WDR72: variants seen among roughly 807,000 people sequenced by gnomAD.
WDR72 encodes the protein WD repeat-containing protein 72.
In WDR72, 120 loss-of-function variants were observed where a neutral mutation model predicts 124.2. The observed-to-expected ratio is 0.97, with a 90% CI of 0.83 to 1.12. The LOEUF is 1.12. Ranked by LOEUF, WDR72 falls within the 50% of genes most tolerant of loss-of-function variation. The probability of loss-of-function intolerance (pLI) is 0.00; values close to 1 mark genes in which losing one functional copy is unlikely to be tolerated. For synonymous variants in WDR72, 452 were observed against 441.7 expected (o/e 1.02, Z -0.29); for missense variants, 1,387 against 1,278.8 (o/e 1.08, Z -1.29).
chr15:53,604,013 G>GA (rs2013163060), intron 17 of WDR72, among the ~76,000 whole-genome samples: 1 of 151,924 alleles, frequency 6.6e-6, no homozygotes, highest in African/African-American at 2.4e-5. Flanking sequence ...AAAAGAGCCT[G>GA]AATGGCCAGG....
At chr15:53,624,445 T>A (rs1267121027) in intron 14 of WDR72, among the ~76,000 whole-genome samples, 1 of 152,152 alleles carries the variant, frequency 6.6e-6, no homozygotes, top group Admixed American at 6.5e-5. Flanking sequence ...AATCTCTGTC[T>A]CAGCACCTAG....
At chr15:53,548,178 T>G (rs569245432) in intron 18 of WDR72, among the ~76,000 whole-genome samples, 2 of 152,374 alleles carry the variant, frequency 1.3e-5, no homozygotes, top group Admixed American at 1.3e-4. Context: ...TCTGATCATC[T>G]TCTACCTAAA....
intron 18 of WDR72, among the ~76,000 whole-genome samples, chr15:53,547,541 A>G (rs1170196942): frequency 6.6e-6 from 1 of 152,146 alleles, no homozygotes; most frequent in Non-Finnish European, 1.5e-5. Flanking sequence ...TGTATTCATC[A>G]GGTCTCAGTG....
At chr15:53,718,783 C>CTTAAGATTTTTAAAAATTTTAAAAACA (rs2017786434) in intron 3 of WDR72, among the ~76,000 whole-genome samples, 1 of 72,070 alleles carries the variant, frequency 1.4e-5, no homozygotes, top group African/African-American at 4.2e-5. Flanking sequence ...TTTTAAAAAT[C>CTTAAGATTTTTAAAAATTTTAAAAACA]TTAAGATTTT....
chr15:53,629,871 C>T (rs934097284), intron 14 of WDR72, among the ~76,000 whole-genome samples: 1 of 152,154 alleles, frequency 6.6e-6, no homozygotes, highest in Non-Finnish European at 1.5e-5. Flanking sequence ...CAAAAATCCG[C>T]ATCCCCACAA....
intron 18 of WDR72, among the ~76,000 whole-genome samples, chr15:53,584,986 G>A (rs987132271): frequency 1.1e-4 from 16 of 151,972 alleles, no homozygotes; most frequent in Non-Finnish European, 1.9e-4. Flanking sequence ...GCAGGGTTGC[G>A]TAAATTGTGA....
chr15:53,671,101 T>C (rs1191659012), intron 13 of WDR72, among the ~76,000 whole-genome samples: 1 of 152,140 alleles, frequency 6.6e-6, no homozygotes, highest in Non-Finnish European at 1.5e-5. Context: ...TCTTAATAGA[T>C]TATATGACAT....
intron 16 of WDR72, 83 bp from the exon 17 acceptor site, chr15:53,609,675 A>G (rs2013450319): frequency 1.7e-6 from 2 of 1,177,548 alleles, no homozygotes; most frequent in Admixed American, 3.5e-5. Context: ...TATTAGAATC[A>G]CCTGGGAAGC....
intron 18 of WDR72, among the ~76,000 whole-genome samples, chr15:53,540,267 TAATC>T (rs1595743720): frequency 2.0e-5 from 3 of 152,078 alleles, no homozygotes; most frequent in African/African-American, 7.2e-5. Context: ...GTAGATGTAA[TAATC>T]AAACTCTAAT....
chr15:53,608,727 G>C (rs2013397232), intron 17 of WDR72, among the ~76,000 whole-genome samples: 1 of 148,290 alleles, frequency 6.7e-6, no homozygotes, highest in African/African-American at 2.5e-5. Flanking sequence ...CTGCACTCCA[G>C]ACTGGGTGAC....
intron 18 of WDR72, among the ~76,000 whole-genome samples, chr15:53,536,773 G>A (rs547725774): frequency 1.3e-5 from 2 of 152,188 alleles, no homozygotes; most frequent in Non-Finnish European, 2.9e-5. Context: ...TACCAAAGCA[G>A]TGACATAGCA....
chr15:53,648,402 T>C (rs948819305), intron 14 of WDR72, among the ~76,000 whole-genome samples: 3 of 152,130 alleles, frequency 2.0e-5, no homozygotes, highest in African/African-American at 7.2e-5. Context: ...TTTTACTTAC[T>C]CCAAACACCT....
chr15:53,656,764 G>A (rs1278396596), intron 14 of WDR72, among the ~76,000 whole-genome samples: 1 of 151,846 alleles, frequency 6.6e-6, no homozygotes, highest in Admixed American at 6.6e-5. Flanking sequence ...TAAAAAAACA[G>A]AATAGAAACA....
Position 53,571,727 on chromosome 15 carries a change from T to C in WDR72, c.3148+25352A>G, listed in dbSNP as rs75004935. Among the ~76,000 whole-genome samples, 339 of 152,040 alleles carry C rather than the reference T, an allele frequency of 2.2e-3. 2 individuals carry two copies. Among genetic ancestry groups the C allele is most frequent in the African/African-American group, 7.9e-3 (329 of 41,518 alleles). On this transcript the variant is annotated intron_variant, in intron 18 of 19. Transcript: ENST00000360509. ...GTTGATTTCATTTCCTTGGTACTAATCCCAGCAGTGTGATTGCTGAATCAA... is the reference window on the plus strand; with the variant it reads ...GTTGATTTCATTTCCTTGGTACTAACCCCAGCAGTGTGATTGCTGAATCAA...
intron 18 of WDR72, among the ~76,000 whole-genome samples, chr15:53,564,928 G>A (rs1195406300): frequency 1.3e-5 from 2 of 151,864 alleles, no homozygotes; most frequent in African/African-American, 4.8e-5. Context: ...TCAGTGCTGA[G>A]CTCTGATATA....
chr15:53,573,834 C>T (rs570105240), intron 18 of WDR72, among the ~76,000 whole-genome samples: 2 of 152,366 alleles, frequency 1.3e-5, no homozygotes, highest in East Asian at 1.9e-4. Flanking sequence ...GCGTGAGCCA[C>T]GGCGCCCAGC....
chr15:53,722,948 T>A (rs1222248890), intron 2 of WDR72, 40 bp from the exon 3 acceptor site: 1 of 1,559,234 alleles, frequency 6.4e-7, no homozygotes, highest in Non-Finnish European at 8.8e-7. Flanking sequence ...AATTGTAAAC[T>A]GTTTGAAGAA....
rs1444969836 is a variant in WDR72 at position 53,710,901 on chromosome 15, T to C, written c.910A>G (p.Ile304Val). ...GTAGAGCACAGTAAATGAGGATAAA[T>C]GGTCTCTTTAAGCACTCTTCCATCA... ...PADGRVLKETIYPHLLCSTSV... is the reference protein window; with the variant it reads ...PADGRVLKETVYPHLLCSTSV... The change falls in exon 9 of 20, where the codon ATT (isoleucine) becomes GTT (valine). Residue 304 changes from isoleucine (I) to valine (V), a missense_variant. Coordinates refer to ENST00000360509, the MANE Select transcript of WDR72 (RefSeq NM_182758.4). The C allele has an allele frequency of 3.1e-6, 5 of 1,613,934 alleles. No homozygotes were observed. The highest frequency in any genetic ancestry group is 1.7e-5 in the Admixed American group (1 of 60,030).
At chr15:53,734,633 T>C (rs896006500) in intron 1 of WDR72, among the ~76,000 whole-genome samples, 4 of 152,108 alleles carry the variant, frequency 2.6e-5, no homozygotes, top group Non-Finnish European at 4.4e-5. Context: ...AGTATGTGGC[T>C]TTTTGGCTAG....
Sources: gnomAD v4.1 joint callset for allele counts (sites outside exome capture counted in the v4.1 genomes callset) on GRCh38, gnomAD v4.1.1 for gene constraint, MANE v1.5 for transcripts, NCBI Gene and HGNC (gene_info 2026-07-23, HGNC 2026-07-21) for gene names.